Variants in ATP13A2 observed in about 807,000 individuals in gnomAD.
ATP13A2 encodes the protein ATPase cation transporting 13A2, also known as polyamine-transporting ATPase 13A2.
ATP13A2 carries 83 observed loss-of-function variants against 138.3 expected under a neutral mutation model. The ratio of observed to expected loss-of-function variants is 0.60; its 90% CI spans 0.50 to 0.72. The LOEUF is 0.72. ATP13A2 is among the 30% of genes least tolerant of loss of function. The pLI, the probability that ATP13A2 is intolerant of heterozygous loss-of-function variation, is 0.00. For synonymous variants in ATP13A2, 663 were observed against 699.0 expected, an observed-to-expected ratio of 0.95 and a Z score of 0.81; for missense variants, 1,402 against 1,606.4, an observed-to-expected ratio of 0.87 and a Z score of 2.17.
intron 20 of ATP13A2, among the ~76,000 whole-genome samples, 158 bp downstream of exon 20, chr1:16,991,576 G>C (rs56359655): frequency 7.1e-4 from 108 of 152,308 alleles, no homozygotes; most frequent in African/African-American, 2.2e-3. Flanking sequence ...CCACTTGCGG[G>C]GGGGATATTG....
intron 8 of ATP13A2, 29 bp from the exon 9 acceptor site, chr1:17,000,563 G>A: frequency 6.2e-7 from 1 of 1,608,232 alleles, no homozygotes; most frequent in Non-Finnish European, 8.5e-7. Flanking sequence ...GCAGCGTCAG[G>A]GCCGCGTCCC....
chr1:16,997,281 CTG>C (rs1273178875), intron 11 of ATP13A2, 106 bp from the exon 12 acceptor site: 2 of 1,379,946 alleles, frequency 1.4e-6, no homozygotes, highest in East Asian at 2.4e-5. Context: ...TCAGTTAACT[CTG>C]TAACCAGGTG....
intron 6 of ATP13A2, 28 bp from the exon 7 acceptor site, chr1:17,002,401 T>C (rs776850900): frequency 1.2e-6 from 2 of 1,607,390 alleles, no homozygotes; most frequent in East Asian, 2.2e-5. Context: ...GGGACACGCA[T>C]GGGCCATGGG....
chr1:16,992,207 G>A, intron 18 of ATP13A2, 36 bp downstream of exon 18: 1 of 1,611,800 alleles, frequency 6.2e-7, no homozygotes. Flanking sequence ...CTGTGCCAAT[G>A]CCCAACCAGG....
chr1:16,994,554 C>T (rs978271783), intron 15 of ATP13A2, among the ~76,000 whole-genome samples: 3 of 152,098 alleles, frequency 2.0e-5, no homozygotes, highest in South Asian at 2.1e-4. Flanking sequence ...GTTGAATGAG[C>T]GCATGAGTCA....
rs757503427 is a variant in ATP13A2, at chr1:16,997,142, G to A, written c.1073C>T (p.Pro358Leu). The part of the protein sequence containing the change: ...ESIPVLKTAL[P>L]EGLGPYCAET... ...TGCACAGTAGGGCCCCAGCCCCTCCGGCAGTGCCGTCTTCAGCACTGGAAT... is the reference window on the plus strand; with the variant it reads ...TGCACAGTAGGGCCCCAGCCCCTCCAGCAGTGCCGTCTTCAGCACTGGAAT... The change falls in exon 12 of 29, where the codon CCG (proline) becomes CTG (leucine). Residue 358 changes from proline (P) to leucine (L), a missense_variant. Coordinates refer to ENST00000326735, the MANE Select transcript of ATP13A2 (RefSeq NM_022089.4). The A allele has an allele frequency of 1.1e-5, 17 of 1,613,550 alleles. No individual in the cohort carries two copies. The highest frequency in any genetic ancestry group is 1.6e-4 in the Middle Eastern group (1 of 6,066).
chr1:17,011,848 G>A lies in ATP13A2; in HGVS notation c.-110C>T. On this transcript the variant is annotated 5_prime_UTR_variant, in exon 1 of 29. Transcript: ENST00000326735. The surrounding 1 kb of genome is among the most constrained non-coding windows in gnomAD (Gnocchi z 7.3). ...CGGTCCGGACGGCCCGGGGCGAGGG[G>A]CGCTGGGCTAGCGCGGGGCTGGAGC... 9.8e-7 allele frequency: 1 copy of A among 1,015,540 alleles called. No individual in the cohort carries two copies. Among genetic ancestry groups the A allele is most frequent in the South Asian group, 4.7e-5 (1 of 21,318 alleles). The allele number at this position is 1,015,540 out of a possible 1,614,324, so 62.9% of individuals were successfully genotyped here. A position where few individuals can be genotyped will look rare whatever the true frequency, so the allele number is the denominator to read the frequency against.
At position 17,011,642 on chromosome 1, in the gene ATP13A2, C is replaced by G; in HGVS notation, c.10+87G>C. ...CTCGCGACCCCGCGGTGGGGGGCGT[C>G]GCCTCCCCTCTCCCTCCAAGGGGTG... On this transcript the variant is annotated intron_variant, in intron 1 of 28. Transcript: ENST00000326735. The surrounding 1 kb of genome is among the most constrained non-coding windows in gnomAD (Gnocchi z 7.3). 1 of 1,403,618 alleles carries G rather than the reference C, an allele frequency of 7.1e-7. No homozygotes were observed. Among genetic ancestry groups the G allele is most frequent in the South Asian group, 1.5e-5 (1 of 68,864 alleles). The allele number at this position is 1,403,618 out of a possible 1,614,324, so 86.9% of individuals were successfully genotyped here.
Position 17,004,997 on chromosome 1 carries a change from C to T in ATP13A2, c.347+17G>A, listed in dbSNP as rs752562718. ...GGTAGCAGGGGCTTCTGGGAAGGGG[C>T]AATGGGGCTGCCTCACCTGCCCTCG... On this transcript the variant is annotated intron_variant, in intron 4 of 28. Transcript: ENST00000326735. This position sits in a 1 kb window ranked among gnomAD's most constrained non-coding sequence, Gnocchi z 4.1. 7.4e-6 allele frequency: 12 copies of T among 1,613,514 alleles called. No individual in the cohort carries two copies. The highest frequency in any genetic ancestry group is 1.0e-5 in the Non-Finnish European group (12 of 1,179,992).
At chr1:16,987,024 G>A in intron 26 of ATP13A2, 22 bp downstream of exon 26, 1 of 1,613,256 alleles carries the variant, frequency 6.2e-7, no homozygotes, top group Non-Finnish European at 8.5e-7. Context: ...GGATGGGGGT[G>A]GTCAGTCAGC....
chr1:17,003,825 A>G (rs2101081856), intron 6 of ATP13A2, among the ~76,000 whole-genome samples: 1 of 152,002 alleles, frequency 6.6e-6, no homozygotes, highest in East Asian at 2.0e-4. Context: ...CATCACGCCC[A>G]GCTAATTTTT....
chr1:16,995,996 G>A lies in ATP13A2; in HGVS notation c.1522C>T (p.Gln508Ter), dbSNP rs2077106150. 6.2e-7 allele frequency: 1 copy of A among 1,614,054 alleles called. No individual in the cohort carries two copies. Among genetic ancestry groups the A allele is most frequent in the Non-Finnish European group, 8.5e-7 (1 of 1,180,046 alleles). Residue 508 changes from glutamine (Q) to a stop codon, truncating the protein, a stop_gained, in exon 15 of 29, where the codon CAG (glutamine) becomes TAG (stop). Coordinates refer to ENST00000326735, the MANE Select transcript of ATP13A2 (RefSeq NM_022089.4). LOFTEE classifies it high-confidence loss of function. The surrounding 1 kb of genome is among the most constrained non-coding windows in gnomAD (Gnocchi z 4.1). ...CCCACCTTGTCGAAACACACCAGCT[G>A]CAGCTTGCCCCCCAGGTTGATGCGC... ...PLRINLGGKL[Q>*]LVCFDKTGTL...
chr1:17,010,095 C>A, intron 1 of ATP13A2, among the ~76,000 whole-genome samples: 1 of 112,756 alleles, frequency 8.9e-6, no homozygotes, highest in East Asian at 2.5e-4. Flanking sequence ...CCCCCCCGTT[C>A]CCCCCTTCCC....
chr1:16,988,456 G>A lies in ATP13A2; in HGVS notation c.2628C>T (p.Cys876=), dbSNP rs561561604. 1.4e-5 allele frequency: 23 copies of A among 1,613,850 alleles called. No individual in the cohort carries two copies. The highest frequency in any genetic ancestry group is 5.0e-5 in the Admixed American group (3 of 60,026). Residue 876 remains cysteine (C), a synonymous_variant, in exon 24 of 29, where the codon TGC becomes TGT. Transcript: ENST00000326735. ...CCCCACAGTCATTGGCGCCGTCTCC[G>A]CACATGCCCACGCAGTACCTGAAGA... is the stretch of plus-strand genomic sequence containing the variant. ...LQKLQYCVGM[C]GDGANDCGAL...
At chr1:16,999,009 T>G (rs1255514434) in intron 11 of ATP13A2, among the ~76,000 whole-genome samples, 1 of 152,032 alleles carries the variant, frequency 6.6e-6, no homozygotes, top group Non-Finnish European at 1.5e-5. Context: ...CCGCAGTCTC[T>G]CACTCTGGGA....
In ATP13A2 at chr1:16,992,315, CT is replaced by C. The variant is rs2076962370; in HGVS notation, c.1932del (p.Ala646ProfsTer62). 1.2e-6 allele frequency: 2 copies of C among 1,612,322 alleles called. No homozygotes were observed. Among genetic ancestry groups the C allele is most frequent in the Non-Finnish European group, 1.7e-6 (2 of 1,179,752 alleles). On this transcript the variant is annotated frameshift_variant, in exon 18 of 29. Coordinates refer to ENST00000326735, the MANE Select transcript of ATP13A2 (RefSeq NM_022089.4). LOFTEE classifies it high-confidence loss of function. ...LQRMSVVVAW[P>X]GATQPEAYVK... ...ACGTAGGCCTCGGGCTGAGTGGCCC[CT>C]GGCCACGCCACCACCACACTCATGC...
Position 16,993,678 on chromosome 1 carries a change from G to T in ATP13A2, c.1700C>A (p.Thr567Asn). ...TCHALSRLQDTPVGDPMDLKM... is the reference protein window; with the variant it reads ...TCHALSRLQDNPVGDPMDLKM... ...CAAGTCCATGGGGTCGCCCACGGGG[G>T]TGTCCTGGAGCCGGCTGAGGGCATG... Residue 567 changes from threonine to asparagine, a missense_variant, in exon 16 of 29, where the codon ACC becomes AAC. Thr to Asn is a moderately conservative substitution (Grantham distance 65). Coordinates refer to ENST00000326735, the MANE Select transcript of ATP13A2 (RefSeq NM_022089.4). 3 of 1,596,840 alleles carry T rather than the reference G, an allele frequency of 1.9e-6. No individual in the cohort carries two copies. Among genetic ancestry groups the T allele is most frequent in the Non-Finnish European group, 2.6e-6 (3 of 1,172,242 alleles).
rs764162255 is a variant in ATP13A2, at chr1:16,987,134, C to A, written c.2995G>T (p.Val999Leu). Residue 999 changes from valine to leucine, a missense_variant, in exon 26 of 29, where the codon GTG becomes TTG. By Grantham distance (32) the Val-to-Leu change is conservative (BLOSUM62 1). Transcript: ENST00000326735. The stretch of plus-strand genomic sequence containing the variant: ...AGCAGCAGGCTGCTGAGCACGGGCA[C>A]GCTGAGCAGCGCCCCCGGTGGCCGC... ...RVRPPGALLS[V>L]PVLSSLLLQM... 1 of 1,613,024 alleles carries A rather than the reference C, an allele frequency of 6.2e-7. No individual in the cohort carries two copies. The highest frequency in any genetic ancestry group is 1.1e-5 in the South Asian group (1 of 91,040).
At chr1:16,998,498 G>A (rs1403840041) in intron 11 of ATP13A2, among the ~76,000 whole-genome samples, 3 of 151,912 alleles carry the variant, frequency 2.0e-5, no homozygotes, top group Admixed American at 6.6e-5. Context: ...GAGCCACTGC[G>A]CCTGGCCTAC....
Sources: gnomAD v4.1 joint callset for allele counts (sites outside exome capture counted in the v4.1 genomes callset) on GRCh38, gnomAD v4.1.1 for gene constraint, Gnocchi (gnomAD v3.1) non-coding constraint, MANE v1.5 for transcripts, NCBI Gene and HGNC (gene_info 2026-07-23, HGNC 2026-07-21) for gene names.